The following CHM variants were observed in gnomAD, a reference collection of about 807,000 sequenced individuals.
The protein encoded by CHM is CHM Rab escort protein.
CHM carries 10 observed loss-of-function variants against 49.0 expected under a neutral mutation model. The observed-to-expected ratio is 0.20, with a 90% confidence interval of 0.13 to 0.35. The LOEUF is 0.35. Among genes scored for constraint, CHM ranks in the 10% least tolerant of loss-of-function variants. The pLI is 1.00. For missense variants in CHM, 455 were observed against 478.4 expected, an observed-to-expected ratio of 0.95 and a Z score of 0.46; for synonymous variants, 184 against 167.5, an observed-to-expected ratio of 1.10 and a Z score of -0.76.
Position 85,933,827 on chromosome X carries a change from C to T in CHM, c.1166+22326G>A, listed in dbSNP as rs142886185. 5.4e-3 allele frequency among the ~76,000 whole-genome samples: 601 copies of T among 111,708 alleles called. 8 individuals carry two copies. The highest frequency in any genetic ancestry group is 0.019 in the African/African-American group (585 of 30,808). ...AACATTTAATAGGGATGGCTGTTTA[C>T]AAACACGTGTGTATCTGCATGGCAA... On this transcript the variant is annotated intron_variant, in intron 8 of 14. Coordinates refer to ENST00000357749, the MANE Select transcript of CHM (RefSeq NM_000390.4).
rs1255547997 is a variant in CHM at position 85,978,991 on chromosome X, C to T, written c.190-100G>A. 1.3e-5 allele frequency: 12 copies of T among 912,084 alleles called. No individual in the cohort carries two copies. In the Admixed American group the frequency reaches 1.3e-4, roughly 10 times the overall value. The allele number at this position is 912,084 out of a possible 1,213,427, so 75.2% of individuals were successfully genotyped here. A position where few individuals can be genotyped will look rare whatever the true frequency, so the allele number is the denominator to read the frequency against. On this transcript the variant is annotated intron_variant, in intron 3 of 14. Transcript: ENST00000357749. ...CTCTTGTCTAAATTCATGCTTATTT[C>T]ATCTTACCAAAACTCAAAGGATATC...
chrX:85,971,181 TG>T, intron 4 of CHM: 3 of 754,657 alleles, frequency 4.0e-6, no homozygotes, highest in Non-Finnish European at 4.7e-6. Context: ...GCAGTGGTAA[TG>T]GGTTTGCACT....
At chrX:85,972,317 G>A (rs988767459) in intron 4 of CHM, among the ~76,000 whole-genome samples, 2 of 113,545 alleles carry the variant, frequency 1.8e-5, no homozygotes, top group African/African-American at 6.4e-5. Flanking sequence ...CCGCACCAGG[G>A]CTGCAGGTGG....
chrX:85,935,534 A>G (rs979423686), intron 8 of CHM, among the ~76,000 whole-genome samples: 6 of 112,047 alleles, frequency 5.4e-5, no homozygotes, highest in Admixed American at 2.8e-4. Context: ...TATATAGCCT[A>G]TTGTTCCTAG....
At chrX:85,930,081 G>A (rs889206579) in intron 8 of CHM, among the ~76,000 whole-genome samples, 9 of 111,571 alleles carry the variant, frequency 8.1e-5, no homozygotes, top group African/African-American at 1.6e-4. Context: ...CAGCCTGGGC[G>A]ACAGAGACTC....
intron 4 of CHM, 88 bp downstream of exon 4, chrX:85,978,679 T>C: frequency 1.0e-6 from 1 of 981,623 alleles, no homozygotes; most frequent in South Asian, 2.0e-5. Context: ...TAGCAACCAA[T>C]GCCACATAAA....
chrX:86,012,945 T>C (rs1399705731), intron 2 of CHM, among the ~76,000 whole-genome samples: 1 of 111,440 alleles, frequency 9.0e-6, no homozygotes, highest in Non-Finnish European at 1.9e-5. Context: ...GCATGCTTTC[T>C]CTGACTGATC....
At chrX:85,940,186 A>T (rs1929027177) in intron 8 of CHM, among the ~76,000 whole-genome samples, 2 of 111,223 alleles carry the variant, frequency 1.8e-5, no homozygotes, top group African/African-American at 6.5e-5. Flanking sequence ...AATGTCTTAC[A>T]AACTCACTCA....
intron 8 of CHM, among the ~76,000 whole-genome samples, chrX:85,930,127 TA>T (rs958155814): frequency 8.9e-6 from 1 of 111,750 alleles, no homozygotes; most frequent in Non-Finnish European, 1.9e-5. Context: ...ATAAGTTTTT[TA>T]AAAAAGAAAG....
At chrX:85,890,592 C>T (rs1396485195) in intron 12 of CHM, among the ~76,000 whole-genome samples, 1 of 111,860 alleles carries the variant, frequency 8.9e-6, no homozygotes, top group Non-Finnish European at 1.9e-5. Flanking sequence ...GATTTTTCTC[C>T]TTCTGCTGCC....
At chrX:85,873,881 T>A in intron 13 of CHM, among the ~76,000 whole-genome samples, 1 of 111,915 alleles carries the variant, frequency 8.9e-6, no homozygotes, top group Non-Finnish European at 1.9e-5. Flanking sequence ...TTTGTCTTAT[T>A]GGATTAAAAA....
intron 2 of CHM, among the ~76,000 whole-genome samples, chrX:85,999,854 G>A (rs746308417): frequency 7.2e-5 from 8 of 111,736 alleles, no homozygotes; most frequent in Non-Finnish European, 1.1e-4. Flanking sequence ...GAAATTTATG[G>A]CAACACAACA....
rs922494326 is a variant in CHM at position 86,031,089 on chromosome X, CAT to C, written c.50-3534_50-3533del. On this transcript the variant is annotated intron_variant, in intron 1 of 14. Coordinates refer to ENST00000357749, the MANE Select transcript of CHM (RefSeq NM_000390.4). ...GCCAGTGACAGAAGGACAAATGCCACATGATTCCACCTATATGAGGTATTTAA... is the reference window on the plus strand; with the variant it reads ...GCCAGTGACAGAAGGACAAATGCCACGATTCCACCTATATGAGGTATTTAA... Among the ~76,000 whole-genome samples, 7 of 111,519 alleles carry C rather than the reference CAT, an allele frequency of 6.3e-5. No homozygotes were observed. In the East Asian group the frequency reaches 1.7e-3, roughly 27 times the overall value.
At chrX:85,879,649 A>C in intron 12 of CHM, among the ~76,000 whole-genome samples, 1 of 111,665 alleles carries the variant, frequency 9.0e-6, no homozygotes, top group East Asian at 2.8e-4. Context: ...AATCACGTAC[A>C]AACAAGGCCC....
Position 85,900,634 on chromosome X carries a change from G to T in CHM, c.1413+12C>A. The T allele has an allele frequency of 9.3e-6, 10 of 1,074,298 alleles. No homozygotes were observed. The highest frequency in any genetic ancestry group is 1.3e-5 in the Non-Finnish European group (10 of 776,986). 88.5% of individuals were successfully genotyped at this position (1,074,298 alleles called of 1,213,427 possible). ...TACAACTTTTATTAAAAATATATAG[G>T]ACTGAATTTACCTGTTGATCTGAAT... On this transcript the variant is annotated intron_variant, in intron 11 of 14. Coordinates refer to ENST00000357749, the MANE Select transcript of CHM (RefSeq NM_000390.4).
chrX:86,019,885 G>A (rs911078180), intron 2 of CHM, among the ~76,000 whole-genome samples: 3 of 111,019 alleles, frequency 2.7e-5, no homozygotes, highest in African/African-American at 9.8e-5. Context: ...TGGCAATGAC[G>A]GTGAGGAAGA....
At chrX:85,878,817 C>T in intron 13 of CHM, 148 bp downstream of exon 13, 2 of 474,782 alleles carry the variant, frequency 4.2e-6, no homozygotes, top group Non-Finnish European at 7.4e-6. Context: ...TAGGCAGACA[C>T]TGTGCTCAAG....
intron 8 of CHM, among the ~76,000 whole-genome samples, chrX:85,938,415 A>C (rs992040273): frequency 1.8e-5 from 2 of 111,814 alleles, no homozygotes; most frequent in Non-Finnish European, 3.8e-5. Context: ...ATAGTTTATA[A>C]GAATTCTATT....
intron 2 of CHM, among the ~76,000 whole-genome samples, chrX:86,009,407 G>A (rs1932963759): frequency 8.9e-6 from 1 of 112,011 alleles, no homozygotes; most frequent in South Asian, 3.7e-4. Flanking sequence ...CCATCTCAGA[G>A]CAGACAAAGT....
Sources: gnomAD v4.1 joint callset for allele counts (sites outside exome capture counted in the v4.1 genomes callset) on GRCh38, gnomAD v4.1.1 for gene constraint, MANE v1.5 for transcripts, NCBI Gene and HGNC (gene_info 2026-07-23, HGNC 2026-07-21) for gene names.